The following ZNF704 variants were observed in gnomAD, a reference collection of about 807,000 sequenced individuals.
ZNF704 encodes the protein glucocorticoid induced gene 1.
A neutral mutation model predicts 44.7 loss-of-function variants in ZNF704; 10 were observed. The ratio of observed to expected loss-of-function variants is 0.22; its 90% CI spans 0.14 to 0.38. ZNF704 has a LOEUF of 0.38. Ranked by LOEUF, ZNF704 falls within the 10% of genes least tolerant of loss-of-function variation. The pLI is 1.00. For synonymous variants in ZNF704, 211 were observed against 207.6 expected (o/e 1.02, Z -0.14); for missense variants, 390 against 545.5 (o/e 0.71, Z 2.84).
At chr8:80,707,138 C>A (rs1041606100) in intron 2 of ZNF704, among the ~76,000 whole-genome samples, 1 of 152,162 alleles carries the variant, frequency 6.6e-6, no homozygotes, top group Non-Finnish European at 1.5e-5. Context: ...CAGTACTTGG[C>A]CAGTCAGCCA....
intron 2 of ZNF704, among the ~76,000 whole-genome samples, chr8:80,738,177 GATC>G (rs1301317519): frequency 1.3e-5 from 2 of 152,088 alleles, no homozygotes; most frequent in African/African-American, 4.8e-5. Flanking sequence ...CATTCTCTCT[GATC>G]ATGTTAACTT....
chr8:80,801,571 T>TA (rs1807899837), intron 2 of ZNF704, among the ~76,000 whole-genome samples: 1 of 152,170 alleles, frequency 6.6e-6, no homozygotes, highest in Non-Finnish European at 1.5e-5. Context: ...AACTGTTAGT[T>TA]AAATAATGAA....
At chr8:80,839,794 C>G (rs747396214) in intron 1 of ZNF704, among the ~76,000 whole-genome samples, 1 of 151,536 alleles carries the variant, frequency 6.6e-6, no homozygotes, top group Non-Finnish European at 1.5e-5. Context: ...ATCCTTCCTG[C>G]CTGTCTTCCT....
chr8:80,709,226 C>T (rs187967011), intron 2 of ZNF704, among the ~76,000 whole-genome samples: 9 of 151,890 alleles, frequency 5.9e-5, no homozygotes, highest in African/African-American at 1.4e-4. Flanking sequence ...AGGCAGATCA[C>T]GAGGTCAGGA....
chr8:80,745,182 A>T (rs1017086817), intron 2 of ZNF704, among the ~76,000 whole-genome samples: 1 of 152,216 alleles, frequency 6.6e-6, no homozygotes, highest in Non-Finnish European at 1.5e-5. Context: ...TATTTGATAT[A>T]AACATTTCAA....
chr8:80,816,529 T>C (rs1808179524), intron 2 of ZNF704, among the ~76,000 whole-genome samples: 1 of 152,204 alleles, frequency 6.6e-6, no homozygotes, highest in African/African-American at 2.4e-5. Context: ...TTGAAGCCTA[T>C]TTTCCTCAAC....
chr8:80,799,583 G>A (rs112673787), intron 2 of ZNF704, among the ~76,000 whole-genome samples: 47 of 152,164 alleles, frequency 3.1e-4, no homozygotes, highest in Non-Finnish European at 4.9e-4. Flanking sequence ...TGGCTTGACT[G>A]TTAAAAGAAA....
At chr8:80,841,563 G>A (rs565874951) in intron 1 of ZNF704, among the ~76,000 whole-genome samples, 1 of 152,218 alleles carries the variant, frequency 6.6e-6, no homozygotes, top group South Asian at 2.1e-4. Flanking sequence ...GTTATTGAGA[G>A]AATCAAATGA....
intron 2 of ZNF704, 51 bp from the exon 3 acceptor site, chr8:80,693,158 G>T: frequency 6.7e-7 from 1 of 1,497,600 alleles, no homozygotes; most frequent in Non-Finnish European, 9.3e-7. Flanking sequence ...ATCTGCTGTG[G>T]GCCACACAAG....
intron 2 of ZNF704, among the ~76,000 whole-genome samples, chr8:80,801,738 A>G (rs2129795679): frequency 6.6e-6 from 1 of 152,268 alleles, no homozygotes; most frequent in East Asian, 1.9e-4. Flanking sequence ...TAATAACCTA[A>G]AAGAACTAAG....
Position 80,653,946 on chromosome 8 carries a change from A to G in ZNF704, c.1032+5639T>C, listed in dbSNP as rs559023638. Among the ~76,000 whole-genome samples, 42 of 152,304 alleles carry G rather than the reference A, an allele frequency of 2.8e-4. No individual in the cohort carries two copies. In the East Asian group the frequency reaches 6.7e-3, roughly 24 times the overall value. On this transcript the variant is annotated intron_variant, in intron 7 of 8. Transcript: ENST00000327835. ...GCTACCTGACTTCAAACTATACTAC[A>G]AGGCTACAGTAACCAAAATAGCATG...
In ZNF704 at chr8:80,633,515, A is replaced by T. The variant is rs1743852333; in HGVS notation, c.*7851T>A. 6.6e-6 allele frequency: 1 copy of T among 152,126 alleles called. No homozygotes were observed. Among genetic ancestry groups the T allele is most frequent in the African/African-American group, 2.4e-5 (1 of 41,404 alleles). 9.4% of individuals were successfully genotyped at this position (152,126 alleles called of 1,614,324 possible). A position where few individuals can be genotyped will look rare whatever the true frequency, so the allele number is the denominator to read the frequency against. On this transcript the variant is annotated 3_prime_UTR_variant, in exon 9 of 9. Transcript: ENST00000327835. ...GCCTGGACTGAATAGATGGTTTGAG[A>T]ACATGGTGGGTCCCTGGGTCTTCTT...
At chr8:80,746,350 T>TA in intron 2 of ZNF704, among the ~76,000 whole-genome samples, 1 of 152,212 alleles carries the variant, frequency 6.6e-6, no homozygotes, top group Non-Finnish European at 1.5e-5. Flanking sequence ...TACAGGGTTT[T>TA]AATAGGGCAG....
At chr8:80,773,768 G>C (rs1310231824) in intron 2 of ZNF704, among the ~76,000 whole-genome samples, 2 of 151,934 alleles carry the variant, frequency 1.3e-5, no homozygotes, top group East Asian at 1.9e-4. Flanking sequence ...CACCTCCATA[G>C]TTTCTCAGCA....
chr8:80,765,083 C>T (rs1356151729), intron 2 of ZNF704, among the ~76,000 whole-genome samples: 1 of 152,114 alleles, frequency 6.6e-6, no homozygotes, highest in African/African-American at 2.4e-5. Flanking sequence ...GGTCTCAGAA[C>T]CAGGGAAGCT....
chr8:80,880,792 C>T, the ZNF704 span, among the ~76,000 whole-genome samples: 13 of 152,246 alleles, frequency 8.5e-5, no homozygotes, highest in South Asian at 2.7e-3. Context: ...TCACAAAAGA[C>T]ACCATTAAAA....
At position 80,639,536 on chromosome 8, in the gene ZNF704, T is replaced by C. The variant is rs943927046; in HGVS notation, c.*1830A>G. On this transcript the variant is annotated 3_prime_UTR_variant, in exon 9 of 9. Coordinates refer to ENST00000327835, the MANE Select transcript of ZNF704 (RefSeq NM_001033723.3). ...AAAATTAGATGAAGCTCTTTTTCTC[T>C]TCTCTTAAAATAAATGTTTTTAAAG... is the stretch of plus-strand genomic sequence containing the variant. 2.6e-4 allele frequency: 39 copies of C among 152,310 alleles called. No homozygotes were observed. The highest frequency in any genetic ancestry group is 8.5e-4 in the Admixed American group (13 of 15,288). 9.4% of individuals were successfully genotyped at this position (152,310 alleles called of 1,614,324 possible). A position where few individuals can be genotyped will look rare whatever the true frequency, so the allele number is the denominator to read the frequency against.
intron 2 of ZNF704, among the ~76,000 whole-genome samples, chr8:80,716,123 C>T (rs534401326): frequency 2.6e-5 from 4 of 151,602 alleles, no homozygotes; most frequent in Non-Finnish European, 5.9e-5. Context: ...TAGAGATGAA[C>T]AGATGGATCC....
At chr8:80,659,792 A>G in intron 6 of ZNF704, 103 bp from the exon 7 acceptor site, 1 of 973,578 alleles carries the variant, frequency 1.0e-6, no homozygotes, top group Non-Finnish European at 1.6e-6. Flanking sequence ...TCTCAGCTAT[A>G]TTAATAACTT....
Sources: allele counts gnomAD v4.1 joint callset (sites outside exome capture counted in the v4.1 genomes callset), GRCh38; gene constraint gnomAD v4.1.1; transcripts MANE v1.5; gene names NCBI Gene and HGNC (gene_info 2026-07-23, HGNC 2026-07-21).